The following BCAN variants were observed in gnomAD, a reference collection of about 807,000 sequenced individuals.
The protein encoded by BCAN is brevican core protein.
A neutral mutation model predicts 92.4 loss-of-function variants in BCAN; 51 were observed. That is an observed-to-expected ratio of 0.55 (90% CI 0.44 to 0.70). The LOEUF (loss-of-function observed/expected upper bound fraction) is 0.70. Among genes scored for constraint, BCAN ranks in the 30% least tolerant of loss-of-function variants. BCAN has a pLI of 0.00. For missense variants in BCAN, 1,140 were observed against 1,212.1 expected, an observed-to-expected ratio of 0.94 and a Z score of 0.88; for synonymous variants, 501 against 505.2, an observed-to-expected ratio of 0.99 and a Z score of 0.11.
At chr1:156,646,284 C>A in intron 2 of BCAN, 139 bp downstream of exon 2, 1 of 796,240 alleles carries the variant, frequency 1.3e-6, no homozygotes, top group Non-Finnish European at 2.0e-6. Flanking sequence ...GAAATAAGGG[C>A]TGAGCTGTGA....
rs1218308543 is a variant in BCAN at position 156,659,234 on chromosome 1, C to T, written c.*100C>T. 17 of 937,620 alleles carry T rather than the reference C, an allele frequency of 1.8e-5. No individual in the cohort carries two copies. Among genetic ancestry groups the T allele is most frequent in the South Asian group, 3.5e-5 (2 of 57,812 alleles). The allele number at this position is 937,620 out of a possible 1,614,324, so 58.1% of individuals were successfully genotyped here. On this transcript the variant is annotated 3_prime_UTR_variant, in exon 14 of 14. Coordinates refer to ENST00000329117, the MANE Select transcript of BCAN (RefSeq NM_021948.5). ...GCCACCACAGGAAGTGACAACATGA[C>T]GAGGGGTGGTACTGGAGTCCAGGTG...
chr1:156,657,593 C>T, intron 10 of BCAN, 82 bp from the exon 11 acceptor site: 1 of 1,148,954 alleles, frequency 8.7e-7, no homozygotes, highest in Non-Finnish European at 1.3e-6. Flanking sequence ...GTTTCCAAGG[C>T]AGTCACCGCA....
At chr1:156,657,780 C>G in intron 11 of BCAN, 23 bp downstream of exon 11, 1 of 1,595,320 alleles carries the variant, frequency 6.3e-7, no homozygotes, top group Non-Finnish European at 8.6e-7. Context: ...AGTCGAACCC[C>G]GCCGTCTAGC....
intron 11 of BCAN, 143 bp from the exon 12 acceptor site, chr1:156,657,984 C>T (rs12129096): frequency 9.6e-7 from 1 of 1,037,644 alleles, no homozygotes; most frequent in East Asian, 2.6e-5. Flanking sequence ...CTCCTTTCCC[C>T]TTCCCCGGGA....
intron 5 of BCAN, among the ~76,000 whole-genome samples, 188 bp downstream of exon 5, chr1:156,648,298 C>T (rs965482940): frequency 2.6e-5 from 4 of 152,142 alleles, no homozygotes; most frequent in Non-Finnish European, 5.9e-5. Flanking sequence ...AAAGTCTCAG[C>T]CAGGCAGCAG....
chr1:156,647,773 G>T lies in BCAN; in HGVS notation c.641+91G>T. 5.8e-6 allele frequency: 9 copies of T among 1,551,072 alleles called. No homozygotes were observed. In the South Asian group the frequency reaches 1.0e-4, roughly 18 times the overall value. On this transcript the variant is annotated intron_variant, in intron 4 of 13. Coordinates refer to ENST00000329117, the MANE Select transcript of BCAN (RefSeq NM_021948.5). This position sits in a 1 kb window ranked among gnomAD's most constrained non-coding sequence, Gnocchi z 4.8. ...GGGTGCTGCCTGCTGTGTCAGGCTG[G>T]ACATGCAGGGCTTTTTGCCTCTGGG...
At position 156,647,282 on chromosome 1, in the gene BCAN, C is replaced by T. The variant is rs1032921464; in HGVS notation, c.466+107C>T. ...GAGGGAAGCAAAGGTAGCTGGAAGGCGCAGCCTGGGTTGGAAAAAGAGTGA... is the reference window on the plus strand; with the variant it reads ...GAGGGAAGCAAAGGTAGCTGGAAGGTGCAGCCTGGGTTGGAAAAAGAGTGA... On this transcript the variant is annotated intron_variant, in intron 3 of 13. Coordinates refer to ENST00000329117, the MANE Select transcript of BCAN (RefSeq NM_021948.5). The surrounding 1 kb of genome is among the most constrained non-coding windows in gnomAD (Gnocchi z 4.8). 6.7e-5 allele frequency: 91 copies of T among 1,364,970 alleles called. No homozygotes were observed. Among genetic ancestry groups the T allele is most frequent in the Non-Finnish European group, 7.9e-5 (81 of 1,025,106 alleles). The allele number at this position is 1,364,970 out of a possible 1,614,324, so 84.6% of individuals were successfully genotyped here.
chr1:156,651,905 C>T (rs965347688), intron 7 of BCAN, among the ~76,000 whole-genome samples: 1 of 152,146 alleles, frequency 6.6e-6, no homozygotes, highest in Admixed American at 6.5e-5. Context: ...GATGCTTGCA[C>T]TAAGGAGCTG....
intron 1 of BCAN, among the ~76,000 whole-genome samples, chr1:156,645,341 GGAA>G (rs557280148): frequency 7.9e-4 from 121 of 152,366 alleles, no homozygotes; most frequent in East Asian, 3.7e-3. Context: ...GGAGAGGCTG[GGAA>G]GAAGAAGGGA....
rs755776880 is a variant in BCAN, at chr1:156,656,320, T to A, written c.1981T>A (p.Cys661Ser). Residue 661 changes from cysteine (C) to serine (S), a missense_variant, in exon 9 of 14, where the codon TGC becomes AGC. By Grantham distance (112) the Cys-to-Ser change is moderately radical. Transcript: ENST00000329117. ...CAGCCCCTGCCACAATGGTGGGACA[T>A]GCTTGGAGGAGGAGGAAGGGGTCCG... ...VPSPCHNGGT[C>S]LEEEEGVRCL... 6.9e-7 allele frequency: 1 copy of A among 1,444,256 alleles called. No homozygotes were observed. The highest frequency in any genetic ancestry group is 2.9e-5 in the Admixed American group (1 of 33,900). 89.5% of individuals were successfully genotyped at this position (1,444,256 alleles called of 1,614,324 possible). A position where few individuals can be genotyped will look rare whatever the true frequency, so the allele number is the denominator to read the frequency against.
At position 156,647,575 on chromosome 1, in the gene BCAN, C is replaced by A. The variant is rs1679026008; in HGVS notation, c.534C>A (p.Ala178=). The A allele has an allele frequency of 1.2e-6, 2 of 1,612,728 alleles. No individual in the cohort carries two copies. Among genetic ancestry groups the A allele is most frequent in the African/African-American group, 1.3e-5 (1 of 75,014 alleles). Reference sequence around the variant, plus strand: ...TCTCCTTTTCTGGGGCCCAGGAGGCCTGTGCCCGCATTGGAGCCCACATCG... The same window carrying A: ...TCTCCTTTTCTGGGGCCCAGGAGGCATGTGCCCGCATTGGAGCCCACATCG... The part of the protein sequence containing the change: ...YAFSFSGAQE[A]CARIGAHIAT... The change falls in exon 4 of 14, where the codon GCC becomes GCA. Residue 178 remains alanine (A), a synonymous_variant. Transcript: ENST00000329117. The surrounding 1 kb of genome is among the most constrained non-coding windows in gnomAD (Gnocchi z 4.8).
intron 9 of BCAN, 156 bp from the exon 10 acceptor site, chr1:156,656,779 GCTA>G (rs1679344797): frequency 6.0e-6 from 6 of 1,007,780 alleles, no homozygotes; most frequent in Non-Finnish European, 7.0e-6. Context: ...CCAGGCTCCT[GCTA>G]CCCCCTCATT....
At position 156,648,004 on chromosome 1, in the gene BCAN, A is replaced by G; in HGVS notation, c.663A>G (p.Arg221=). Residue 221 remains arginine, a synonymous_variant, in exon 5 of 14, where the codon CGA becomes CGG. Coordinates refer to ENST00000329117, the MANE Select transcript of BCAN (RefSeq NM_021948.5). ...CTAGGTATCCCATCCAGACCCCACGAGAGGCCTGTTACGGAGACATGGATG... is the reference window on the plus strand; with the variant it reads ...CTAGGTATCCCATCCAGACCCCACGGGAGGCCTGTTACGGAGACATGGATG... ...QTVRYPIQTP[R]EACYGDMDGF... 6.2e-7 allele frequency: 1 copy of G among 1,613,978 alleles called. No homozygotes were observed. Among genetic ancestry groups the G allele is most frequent in the Non-Finnish European group, 8.5e-7 (1 of 1,179,892 alleles).
intron 10 of BCAN, 100 bp from the exon 11 acceptor site, chr1:156,657,575 G>A: frequency 1.1e-6 from 1 of 915,534 alleles, no homozygotes. Context: ...GCTGGATCGC[G>A]GGGAAGGGTT....
chr1:156,652,465 A>C lies in BCAN; in HGVS notation c.1515A>C (p.Ser505=). The C allele has an allele frequency of 6.2e-7, 1 of 1,603,402 alleles. No homozygotes were observed. The part of the protein sequence containing the change: ...LPTEPAAQEE[S]LSQAPARAVL... ...CTGAGCCAGCAGCCCAGGAGGAGTC[A>C]CTCTCCCAGGCGCCAGCAAGGGCAG... Residue 505 remains serine, a synonymous_variant, in exon 8 of 14, where the codon TCA becomes TCC. Transcript: ENST00000329117.
chr1:156,645,904 G>T, intron 1 of BCAN, 143 bp from the exon 2 acceptor site: 1 of 591,512 alleles, frequency 1.7e-6, no homozygotes. Context: ...ATGGGGATCA[G>T]AAACAGAGAG....
rs541409762 is a variant in BCAN, at chr1:156,658,941, C to G, written c.2629-86C>G. ...CATGCAGCCCCATTCTGGGCTCTTA[C>G]GGGCTGAGCAAGAACATCAGAGGGC... On this transcript the variant is annotated intron_variant, in intron 13 of 13. Coordinates refer to ENST00000329117, the MANE Select transcript of BCAN (RefSeq NM_021948.5). This position sits in a 1 kb window ranked among gnomAD's most constrained non-coding sequence, Gnocchi z 4.4. 5.8e-6 allele frequency: 8 copies of G among 1,386,070 alleles called. No individual in the cohort carries two copies. The East Asian group carries it at 1.7e-4, about 30-fold the overall frequency. 85.9% of individuals were successfully genotyped at this position (1,386,070 alleles called of 1,614,324 possible). A position where few individuals can be genotyped will look rare whatever the true frequency, so the allele number is the denominator to read the frequency against.
At position 156,658,183 on chromosome 1, in the gene BCAN, C is replaced by G; in HGVS notation, c.2349C>G (p.Asn783Lys). The G allele has an allele frequency of 6.2e-7, 1 of 1,614,096 alleles. No individual in the cohort carries two copies. Among genetic ancestry groups the G allele is most frequent in the South Asian group, 1.1e-5 (1 of 91,078 alleles). Reference sequence around the variant, plus strand: ...ACAGCTACTTCCTGTCTGGAGAGAACTGCGTGGTCATGGTGTGGCATGATC... The same window carrying G: ...ACAGCTACTTCCTGTCTGGAGAGAAGTGCGTGGTCATGGTGTGGCATGATC... ...QPDSYFLSGE[N>K]CVVMVWHDQG... The change falls in exon 12 of 14, where the codon AAC (asparagine) becomes AAG (lysine). Residue 783 changes from asparagine to lysine, a missense_variant. By Grantham distance (94) the Asn-to-Lys change is moderately conservative. Around this residue, in one of 3 missense-constraint regions of BCAN, gnomAD observed 825 missense variants for 871.8 expected, o/e 0.95. Coordinates refer to ENST00000329117, the MANE Select transcript of BCAN (RefSeq NM_021948.5). This position sits in a 1 kb window ranked among gnomAD's most constrained non-coding sequence, Gnocchi z 4.4.
chr1:156,647,372 A>G lies in BCAN; in HGVS notation c.467-136A>G. On this transcript the variant is annotated intron_variant, in intron 3 of 13. Coordinates refer to ENST00000329117, the MANE Select transcript of BCAN (RefSeq NM_021948.5). This position sits in a 1 kb window ranked among gnomAD's most constrained non-coding sequence, Gnocchi z 4.8. ...TGGAGGACATTCTACCCACAATCTA[A>G]CTTAAGTCCCTCATGCTGTAGAGTG... is the stretch of plus-strand genomic sequence containing the variant. The G allele has an allele frequency of 7.1e-6, 8 of 1,128,684 alleles. No homozygotes were observed. Among genetic ancestry groups the G allele is most frequent in the Non-Finnish European group, 8.7e-6 (7 of 806,438 alleles). The allele number at this position is 1,128,684 out of a possible 1,614,324, so 69.9% of individuals were successfully genotyped here.
Sources: allele counts gnomAD v4.1 joint callset (sites outside exome capture counted in the v4.1 genomes callset), GRCh38; gene constraint gnomAD v4.1.1; regional missense constraint gnomAD v4.1.1; non-coding constraint Gnocchi (gnomAD v3.1); transcripts MANE v1.5; gene names NCBI Gene and HGNC (gene_info 2026-07-23, HGNC 2026-07-21).